The following FAM107B variants were observed in gnomAD, a reference collection of about 807,000 sequenced individuals.
FAM107B encodes family with sequence similarity 107 member B.
Under a neutral mutation model 31.5 loss-of-function variants are expected in FAM107B, and 21 were observed. That is an observed-to-expected ratio of 0.67 (90% CI 0.47 to 0.96). FAM107B has a LOEUF of 0.96. FAM107B is among the 40% of genes least tolerant of loss of function. FAM107B has a pLI of 0.00. For synonymous variants in FAM107B, 157 were observed against 141.5 expected, an observed-to-expected ratio of 1.11 and a Z score of -0.78; for missense variants, 452 against 377.1, an observed-to-expected ratio of 1.20 and a Z score of -1.64.
intron 2 of FAM107B, among the ~76,000 whole-genome samples, chr10:14,620,995 G>A (rs1335845126): frequency 1.3e-5 from 2 of 151,966 alleles, no homozygotes; most frequent in African/African-American, 2.4e-5. Context: ...ATTATTTATT[G>A]CTTGTATTTA....
At chr10:14,721,209 G>A (rs1330974041) in intron 1 of FAM107B, among the ~76,000 whole-genome samples, 2 of 152,152 alleles carry the variant, frequency 1.3e-5, no homozygotes, top group East Asian at 3.8e-4. Flanking sequence ...ATTCCATGGT[G>A]TATATGTGCC....
intron 1 of FAM107B, among the ~76,000 whole-genome samples, chr10:14,735,031 C>T (rs554339798): frequency 6.6e-6 from 1 of 152,300 alleles, no homozygotes; most frequent in Non-Finnish European, 1.5e-5. Context: ...TGCAGGTGTC[C>T]AGCAAGATGT....
rs1845467768 is a variant in FAM107B, at chr10:14,519,880, C to T, written c.*1310G>A. The T allele has an allele frequency of 6.6e-6, 1 of 152,552 alleles. No homozygotes were observed. The highest frequency in any genetic ancestry group is 1.5e-5 in the Non-Finnish European group (1 of 68,044). The allele number at this position is 152,552 out of a possible 1,614,324, so 9.4% of individuals were successfully genotyped here. ...CACCCAGGCAAAAGGTACCGATGCC[C>T]ACACTAGCAGTTTAAAACTAATTTT... On this transcript the variant is annotated 3_prime_UTR_variant, in exon 5 of 5. Coordinates refer to ENST00000181796, the MANE Select transcript of FAM107B (RefSeq NM_031453.4).
intron 2 of FAM107B, among the ~76,000 whole-genome samples, chr10:14,574,746 T>C (rs988247951): frequency 6.6e-6 from 1 of 152,234 alleles, no homozygotes; most frequent in African/African-American, 2.4e-5. Flanking sequence ...GATTTTTTAA[T>C]AACATTACAT....
chr10:14,546,454 T>C (rs1256348010), intron 2 of FAM107B, among the ~76,000 whole-genome samples: 1 of 152,230 alleles, frequency 6.6e-6, no homozygotes, highest in Non-Finnish European at 1.5e-5. Context: ...CTAATATGTT[T>C]CAACTGTAAG....
intron 2 of FAM107B, among the ~76,000 whole-genome samples, chr10:14,614,455 C>T (rs571557491): frequency 6.6e-6 from 1 of 151,890 alleles, no homozygotes; most frequent in African/African-American, 2.4e-5. Context: ...GGTGGATCAC[C>T]TGAGGTTAGG....
intron 2 of FAM107B, among the ~76,000 whole-genome samples, chr10:14,590,477 G>A (rs1216671208): frequency 1.3e-5 from 2 of 152,200 alleles, no homozygotes; most frequent in Non-Finnish European, 2.9e-5. Context: ...CATTCTGGTA[G>A]CCTTCAAGTA....
chr10:14,671,712 G>A (rs1854548738), intron 1 of FAM107B, among the ~76,000 whole-genome samples: 1 of 151,924 alleles, frequency 6.6e-6, no homozygotes, highest in Non-Finnish European at 1.5e-5. Context: ...TTGTTATCAC[G>A]TGCGGCTGAA....
At chr10:14,771,757 T>G (rs982280306) in intron 1 of FAM107B, among the ~76,000 whole-genome samples, 1 of 152,218 alleles carries the variant, frequency 6.6e-6, no homozygotes, top group Non-Finnish European at 1.5e-5. Flanking sequence ...TCTCAAGTGA[T>G]TCTCCCTCCT....
chr10:14,565,522 T>C (rs1850588662), intron 2 of FAM107B, among the ~76,000 whole-genome samples: 2 of 152,158 alleles, frequency 1.3e-5, no homozygotes, highest in African/African-American at 2.4e-5. Context: ...ACCAGTTCAA[T>C]GGATCAGAGA....
At chr10:14,728,415 A>T (rs974540122) in intron 1 of FAM107B, among the ~76,000 whole-genome samples, 1 of 152,040 alleles carries the variant, frequency 6.6e-6, no homozygotes, top group African/African-American at 2.4e-5. Context: ...GTGAGAAAAT[A>T]AAGACAGAAG....
At chr10:14,738,022 T>C (rs1856349265) in intron 1 of FAM107B, among the ~76,000 whole-genome samples, 1 of 152,150 alleles carries the variant, frequency 6.6e-6, no homozygotes, top group Non-Finnish European at 1.5e-5. Flanking sequence ...GTGTTTCCCA[T>C]GTGCCAGCAC....
intron 2 of FAM107B, among the ~76,000 whole-genome samples, chr10:14,639,119 G>C (rs1471023813): frequency 1.3e-5 from 2 of 152,142 alleles, no homozygotes; most frequent in African/African-American, 4.8e-5. Context: ...GCTTGAGCCT[G>C]AGAGGTCAAG....
chr10:14,522,059 A>G (rs1260587798), intron 3 of FAM107B, 40 bp from the exon 4 acceptor site: 2 of 1,578,672 alleles, frequency 1.3e-6, no homozygotes, highest in Non-Finnish European at 1.7e-6. Context: ...ACGTTAATCT[A>G]ATGGCTACAT....
chr10:14,720,402 C>T (rs1029170491), intron 1 of FAM107B, among the ~76,000 whole-genome samples: 3 of 152,112 alleles, frequency 2.0e-5, no homozygotes, highest in African/African-American at 4.8e-5. Context: ...TACAGGCATG[C>T]ACCACCACAC....
At chr10:14,525,986 A>T (rs746238108) in intron 3 of FAM107B, among the ~76,000 whole-genome samples, 1 of 152,204 alleles carries the variant, frequency 6.6e-6, no homozygotes, top group Non-Finnish European at 1.5e-5. Flanking sequence ...TTCATTCCAC[A>T]TCTACCTGAA....
chr10:14,732,259 A>C (rs1856191700), intron 1 of FAM107B, among the ~76,000 whole-genome samples: 2 of 152,196 alleles, frequency 1.3e-5, no homozygotes, highest in South Asian at 4.1e-4. Flanking sequence ...CCAAGCCCGC[A>C]AGCAAGCGTG....
rs556915287 is a variant in FAM107B, at chr10:14,653,530, G to A, written c.469+14104C>T. On this transcript the variant is annotated intron_variant, in intron 2 of 4. Transcript: ENST00000181796. ...AAGAGCTCTGGGAGAAAAGCCCATG[G>A]TTCGGGAACTTTTCCTGAGACCTCT... Among the ~76,000 whole-genome samples, 55 of 152,292 alleles carry A rather than the reference G, an allele frequency of 3.6e-4. 2 individuals are homozygous for A. The South Asian group carries it at 0.011, about 32-fold the overall frequency.
intron 1 of FAM107B, among the ~76,000 whole-genome samples, chr10:14,764,470 G>A (rs774390491): frequency 7.2e-5 from 11 of 152,114 alleles, no homozygotes; most frequent in Non-Finnish European, 1.2e-4. Context: ...CACCTCCCAC[G>A]GCATTTTGAT....
Sources: allele counts gnomAD v4.1 joint callset (sites outside exome capture counted in the v4.1 genomes callset), GRCh38; gene constraint gnomAD v4.1.1; transcripts MANE v1.5; gene names NCBI Gene and HGNC (gene_info 2026-07-23, HGNC 2026-07-21).